The following SLC35F3 variants were observed in gnomAD, a reference collection of about 807,000 sequenced individuals.
The protein encoded by SLC35F3 is putative thiamine transporter SLC35F3.
A neutral mutation model predicts 49.9 loss-of-function variants in SLC35F3; 25 were observed. The ratio of observed to expected loss-of-function variants is 0.50; its 90% CI spans 0.37 to 0.70. SLC35F3 has a LOEUF of 0.70. Ranked by LOEUF, SLC35F3 falls within the 30% of genes least tolerant of loss-of-function variation. The pLI, the probability that SLC35F3 is intolerant of heterozygous loss-of-function variation, is 0.00. For synonymous variants in SLC35F3, 275 were observed against 265.4 expected (o/e 1.04, Z -0.35); for missense variants, 525 against 639.8 (o/e 0.82, Z 1.94).
At chr1:234,266,320 A>G (rs1329473218) in intron 3 of SLC35F3, among the ~76,000 whole-genome samples, 1 of 151,386 alleles carries the variant, frequency 6.6e-6, no homozygotes, top group Admixed American at 6.6e-5. Context: ...AACAAACATG[A>G]AAAAAAAATG....
intron 2 of SLC35F3, among the ~76,000 whole-genome samples, chr1:234,110,334 T>C (rs180865717): frequency 5.3e-5 from 8 of 152,296 alleles, no homozygotes; most frequent in Middle Eastern, 3.4e-3. Context: ...TGTCAATTGA[T>C]GGAAGATGGC....
chr1:234,230,100 A>G, intron 2 of SLC35F3, among the ~76,000 whole-genome samples: 1 of 152,216 alleles, frequency 6.6e-6, no homozygotes, highest in Admixed American at 6.5e-5. Flanking sequence ...TAAAGCAAGT[A>G]ATGAAGCACA....
intron 2 of SLC35F3, among the ~76,000 whole-genome samples, chr1:234,067,841 G>T (rs1664645358): frequency 6.6e-6 from 1 of 152,206 alleles, no homozygotes; most frequent in Non-Finnish European, 1.5e-5. Context: ...AAATGAAGGG[G>T]TCATGGGTCA....
intron 2 of SLC35F3, among the ~76,000 whole-genome samples, chr1:234,121,105 T>A (rs944042729): frequency 7.9e-5 from 12 of 151,944 alleles, no homozygotes; most frequent in Non-Finnish European, 1.8e-4. Flanking sequence ...GGTCATTTTA[T>A]TTTTATCAAT....
chr1:234,282,133 T>G (rs1169479491), intron 3 of SLC35F3, among the ~76,000 whole-genome samples: 1 of 152,180 alleles, frequency 6.6e-6, no homozygotes. Flanking sequence ...TGCCTGTTAG[T>G]CACTCTCTGC....
intron 2 of SLC35F3, among the ~76,000 whole-genome samples, chr1:233,940,716 A>G (rs903711072): frequency 6.6e-6 from 1 of 152,152 alleles, no homozygotes; most frequent in African/African-American, 2.4e-5. Context: ...GTCTTTCCCT[A>G]TTGAGAGACA....
chr1:234,036,705 G>A (rs992395656), intron 2 of SLC35F3, among the ~76,000 whole-genome samples: 1 of 152,202 alleles, frequency 6.6e-6, no homozygotes, highest in African/African-American at 2.4e-5. Context: ...GAGGAAGCTG[G>A]AGGGTATAAC....
intron 2 of SLC35F3, among the ~76,000 whole-genome samples, chr1:234,224,047 C>A (rs1007045497): frequency 3.1e-5 from 4 of 128,574 alleles, no homozygotes; most frequent in African/African-American, 1.5e-4. Context: ...TAACCTTTTT[C>A]GGTTTTTTGT....
intron 3 of SLC35F3, among the ~76,000 whole-genome samples, chr1:234,293,351 G>A (rs1180686626): frequency 6.6e-6 from 1 of 152,232 alleles, no homozygotes. Context: ...GAGGAACTGA[G>A]AGCCGGAGCT....
At chr1:233,918,633 G>A (rs1011806447) in intron 2 of SLC35F3, among the ~76,000 whole-genome samples, 32 of 152,064 alleles carry the variant, frequency 2.1e-4, no homozygotes, top group African/African-American at 7.5e-4. Flanking sequence ...CGGGTGTAGT[G>A]GCGGGCACCT....
At chr1:233,985,749 C>T (rs1663257106) in intron 2 of SLC35F3, among the ~76,000 whole-genome samples, 1 of 152,336 alleles carries the variant, frequency 6.6e-6, no homozygotes, top group South Asian at 2.1e-4. Context: ...AAGCTAAAAT[C>T]ATCCACAAAA....
intron 2 of SLC35F3, among the ~76,000 whole-genome samples, chr1:234,085,950 C>G (rs1383899607): frequency 2.6e-5 from 4 of 152,168 alleles, no homozygotes; most frequent in Non-Finnish European, 5.9e-5. Context: ...GAACTATATA[C>G]CCTGTCTTGT....
intron 3 of SLC35F3, 27 bp from the exon 4 acceptor site, chr1:234,309,074 A>C: frequency 6.2e-7 from 1 of 1,600,974 alleles, no homozygotes; most frequent in Non-Finnish European, 8.6e-7. Flanking sequence ...GGAAAATAAT[A>C]ACGATGCCTC....
At chr1:234,232,985 A>C (rs1288535537) in intron 3 of SLC35F3, among the ~76,000 whole-genome samples, 1 of 152,198 alleles carries the variant, frequency 6.6e-6, no homozygotes, top group African/African-American at 2.4e-5. Flanking sequence ...TGGAGCTTGA[A>C]TAGAATCACA....
chr1:234,090,618 T>C (rs1156566175), intron 2 of SLC35F3, among the ~76,000 whole-genome samples: 1 of 152,198 alleles, frequency 6.6e-6, no homozygotes, highest in Non-Finnish European at 1.5e-5. Flanking sequence ...TCAAGCTACA[T>C]GGCTCTTCTT....
chr1:234,272,896 TG>T (rs1214641391), intron 3 of SLC35F3, among the ~76,000 whole-genome samples: 2 of 152,128 alleles, frequency 1.3e-5, no homozygotes, highest in Non-Finnish European at 2.9e-5. Flanking sequence ...TGATGTGCCA[TG>T]GGGTCAGCAC....
chr1:234,141,613 G>A (rs1009799587), intron 2 of SLC35F3, among the ~76,000 whole-genome samples: 1 of 152,172 alleles, frequency 6.6e-6, no homozygotes, highest in Admixed American at 6.5e-5. Flanking sequence ...GCTTTACATT[G>A]CCTTTTCAGA....
At chr1:234,060,858 A>C (rs1664529499) in intron 2 of SLC35F3, among the ~76,000 whole-genome samples, 1 of 152,198 alleles carries the variant, frequency 6.6e-6, no homozygotes, top group South Asian at 2.1e-4. Flanking sequence ...CTTTATCCCA[A>C]CATAGCTTTG....
At position 234,144,674 on chromosome 1, in the gene SLC35F3, TTAA is replaced by T. The variant is rs1379295890; in HGVS notation, c.284-86739_284-86737del. Among the ~76,000 whole-genome samples, 3 of 152,230 alleles carry T rather than the reference TTAA, an allele frequency of 2.0e-5. No homozygotes were observed. In the East Asian group the frequency reaches 5.8e-4, roughly 29 times the overall value. On this transcript the variant is annotated intron_variant, in intron 2 of 7. Transcript: ENST00000366618. Reference sequence around the variant, plus strand: ...TTTCTTTCATGAGTTTCTGATTCACTTAATAAATATCTACTAAGATACTTTGCT... The same window carrying T: ...TTTCTTTCATGAGTTTCTGATTCACTTAAATATCTACTAAGATACTTTGCT...
Sources: allele counts gnomAD v4.1 joint callset (sites outside exome capture counted in the v4.1 genomes callset), GRCh38; gene constraint gnomAD v4.1.1; transcripts MANE v1.5; gene names NCBI Gene and HGNC (gene_info 2026-07-23, HGNC 2026-07-21).